Variants in KALRN observed in about 807,000 individuals in gnomAD.
KALRN encodes kalirin.
Under a neutral mutation model 353.7 loss-of-function variants are expected in KALRN, and 70 were observed. That is an observed-to-expected ratio of 0.20 (90% CI 0.16 to 0.24). The LOEUF (loss-of-function observed/expected upper bound fraction) is 0.24, where lower values mean the gene tolerates loss of function less well. KALRN is among the 10% of genes least tolerant of loss of function. The pLI, the probability that KALRN is intolerant of heterozygous loss-of-function variation, is 1.00. For synonymous variants in KALRN, 1,391 were observed against 1,434.8 expected, an observed-to-expected ratio of 0.97 and a Z score of 0.69; for missense variants, 2,791 against 3,756.7, an observed-to-expected ratio of 0.74 and a Z score of 6.72.
intron 51 of KALRN, among the ~76,000 whole-genome samples, chr3:124,689,867 G>C (rs1481187306): frequency 6.6e-6 from 1 of 152,188 alleles, no homozygotes; most frequent in Non-Finnish European, 1.5e-5. Flanking sequence ...TCACAAGTCT[G>C]GTAGGGCAAA....
intron 18 of KALRN, among the ~76,000 whole-genome samples, chr3:124,440,258 C>G (rs2093626416): frequency 6.6e-6 from 1 of 152,062 alleles, no homozygotes; most frequent in Admixed American, 6.5e-5. Context: ...AAATCTCAAA[C>G]AGAAGTGTAA....
At chr3:124,204,268 CA>C (rs2076214229) in intron 1 of KALRN, among the ~76,000 whole-genome samples, 1 of 152,168 alleles carries the variant, frequency 6.6e-6, no homozygotes, top group African/African-American at 2.4e-5. Context: ...CTGGCAAACA[CA>C]ATTCTTTAGA....
At chr3:124,427,823 A>G (rs1326034724) in intron 15 of KALRN, among the ~76,000 whole-genome samples, 1 of 152,218 alleles carries the variant, frequency 6.6e-6, no homozygotes, top group Non-Finnish European at 1.5e-5. Context: ...AGAACTGGAA[A>G]TTATCTTTAA....
chr3:124,404,079 G>A (rs1026199211), intron 13 of KALRN, among the ~76,000 whole-genome samples: 2 of 146,872 alleles, frequency 1.4e-5, no homozygotes, highest in Non-Finnish European at 3.0e-5. Flanking sequence ...AAGAAAGGAG[G>A]GAGCTCATCA....
intron 10 of KALRN, among the ~76,000 whole-genome samples, chr3:124,352,304 A>G (rs1201853970): frequency 1.3e-5 from 2 of 152,148 alleles, no homozygotes; most frequent in African/African-American, 4.8e-5. Flanking sequence ...TAGTACTGTT[A>G]TATTGTCCTG....
At chr3:124,684,603 TGTTTATACA>T (rs2061477425) in intron 51 of KALRN, among the ~76,000 whole-genome samples, 1 of 152,184 alleles carries the variant, frequency 6.6e-6, no homozygotes, top group Non-Finnish European at 1.5e-5. Context: ...AGTGTACAGG[TGTTTATACA>T]GTGATGTGTA....
intron 1 of KALRN, among the ~76,000 whole-genome samples, chr3:124,102,284 C>A (rs1316725703): frequency 6.6e-6 from 1 of 152,168 alleles, no homozygotes; most frequent in Non-Finnish European, 1.5e-5. Context: ...CATCACAGAA[C>A]AATTCCCTGT....
chr3:124,035,718 A>G (rs1299959216), intron 1 of KALRN, among the ~76,000 whole-genome samples: 1 of 152,268 alleles, frequency 6.6e-6, no homozygotes, highest in African/African-American at 2.4e-5. Flanking sequence ...TCAAAACACA[A>G]GGTGTGGCAC....
chr3:124,354,085 G>A (rs1328251005), intron 10 of KALRN, among the ~76,000 whole-genome samples: 1 of 152,212 alleles, frequency 6.6e-6, no homozygotes, highest in Admixed American at 6.5e-5. Flanking sequence ...GAGGGCAGGA[G>A]CCAATATCCA....
chr3:124,345,034 G>A (rs1157454493), intron 9 of KALRN, among the ~76,000 whole-genome samples: 1 of 152,098 alleles, frequency 6.6e-6, no homozygotes, highest in Non-Finnish European at 1.5e-5. Context: ...CTTAAAGCTA[G>A]AGATAAAAAA....
At chr3:124,687,424 T>G (rs1368231419) in intron 51 of KALRN, among the ~76,000 whole-genome samples, 2 of 152,178 alleles carry the variant, frequency 1.3e-5, no homozygotes, top group Admixed American at 1.3e-4. Context: ...ATTTTGGTCC[T>G]TTGCAACCAA....
Position 124,532,525 on chromosome 3 carries a change from G to C in KALRN, c.4936-30318G>C, listed in dbSNP as rs371130382. ...TCTCTTATCCACACCTTTTTCCTAG[G>C]CTGGGCATGGTGGCTCATGCCTGTA... On this transcript the variant is annotated intron_variant, in intron 33 of 59. Transcript: ENST00000682506. Among the ~76,000 whole-genome samples, 28 of 152,278 alleles carry C rather than the reference G, an allele frequency of 1.8e-4. No homozygotes were observed. The East Asian group carries it at 5.4e-3, about 29-fold the overall frequency.
Position 124,720,049 on chromosome 3 carries a change from T to G in KALRN, c.*579T>G, listed in dbSNP as rs1401284535. Reference sequence around the variant, plus strand: ...GTGCTCCAGTTAAGACAGTAATTTATTTACCGAATCATTACATTGTTTTGA... The same window carrying G: ...GTGCTCCAGTTAAGACAGTAATTTAGTTACCGAATCATTACATTGTTTTGA... On this transcript the variant is annotated 3_prime_UTR_variant, in exon 60 of 60. Transcript: ENST00000682506. 1 of 152,602 alleles carries G rather than the reference T, an allele frequency of 6.6e-6. No homozygotes were observed. Among genetic ancestry groups the G allele is most frequent in the Non-Finnish European group, 1.5e-5 (1 of 68,066 alleles). 9.5% of individuals were successfully genotyped at this position (152,602 alleles called of 1,614,324 possible). A position where few individuals can be genotyped will look rare whatever the true frequency, so the allele number is the denominator to read the frequency against.
rs992877046 is a variant in KALRN, at chr3:124,222,597, T to C, written c.74-5393T>C. Among the ~76,000 whole-genome samples the C allele has an allele frequency of 1.9e-4, 29 of 152,132 alleles. 2 individuals carry two copies. The highest frequency in any genetic ancestry group is 8.8e-5 in the Non-Finnish European group (6 of 68,028). Reference sequence around the variant, plus strand: ...GTGCGTATGGATCAGCTGGGTTTTTTTGTGTGTGTGGTGGGGGCTGTTGAG... The same window carrying C: ...GTGCGTATGGATCAGCTGGGTTTTTCTGTGTGTGTGGTGGGGGCTGTTGAG... On this transcript the variant is annotated intron_variant, in intron 1 of 59. Transcript: ENST00000682506.
intron 51 of KALRN, 73 bp from the exon 52 acceptor site, chr3:124,693,731 A>G (rs929175168): frequency 1.8e-5 from 18 of 1,012,150 alleles, no homozygotes; most frequent in Middle Eastern, 4.2e-4. Context: ...TTTTTACTCA[A>G]TACGGTGAAG....
chr3:124,187,881 A>G (rs910265488), intron 1 of KALRN, among the ~76,000 whole-genome samples: 5 of 152,190 alleles, frequency 3.3e-5, no homozygotes, highest in Admixed American at 3.3e-4. Flanking sequence ...GAGCAAAGGA[A>G]TATTAGGGAA....
At chr3:124,571,276 A>C (rs1452139215) in intron 34 of KALRN, among the ~76,000 whole-genome samples, 2 of 152,244 alleles carry the variant, frequency 1.3e-5, no homozygotes, top group Admixed American at 1.3e-4. Flanking sequence ...TAAATTCAAC[A>C]ATCCTGACTT....
At chr3:124,635,249 T>C (rs1276788615) in intron 36 of KALRN, among the ~76,000 whole-genome samples, 1 of 152,188 alleles carries the variant, frequency 6.6e-6, no homozygotes, top group Non-Finnish European at 1.5e-5. Context: ...ACCTGCCTAC[T>C]TGTAATGTAT....
At chr3:124,450,832 G>T (rs920996687) in intron 21 of KALRN, among the ~76,000 whole-genome samples, 1 of 152,062 alleles carries the variant, frequency 6.6e-6, no homozygotes, top group African/African-American at 2.4e-5. Context: ...CAAAGTGCTG[G>T]GATTACAGAC....
Sources: allele counts gnomAD v4.1 joint callset (sites outside exome capture counted in the v4.1 genomes callset), GRCh38; gene constraint gnomAD v4.1.1; transcripts MANE v1.5; gene names NCBI Gene and HGNC (gene_info 2026-07-23, HGNC 2026-07-21).